RNF150: variants seen among roughly 807,000 people sequenced by gnomAD.
RNF150 encodes ring finger protein 150.
RNF150 carries 24 observed loss-of-function variants against 39.3 expected under a neutral mutation model. The ratio of observed to expected loss-of-function variants is 0.61; its 90% confidence interval spans 0.44 to 0.86. The LOEUF is 0.86. RNF150 is among the 40% of genes least tolerant of loss of function. RNF150 has a pLI of 0.00. For synonymous variants in RNF150, 255 were observed against 227.3 expected (o/e 1.12, Z -1.10); for missense variants, 502 against 587.8 (o/e 0.85, Z 1.51).
chr4:140,870,908 G>A (rs1201375656), intron 6 of RNF150, among the ~76,000 whole-genome samples: 1 of 151,342 alleles, frequency 6.6e-6, no homozygotes, highest in Non-Finnish European at 1.5e-5. Context: ...GGAGAGACTG[G>A]GAGTGGCTTC....
At chr4:141,140,267 C>T (rs1388649778) in intron 1 of RNF150, among the ~76,000 whole-genome samples, 1 of 152,170 alleles carries the variant, frequency 6.6e-6, no homozygotes, top group Non-Finnish European at 1.5e-5. Flanking sequence ...CTAAAAATAT[C>T]CTTTTTTCTT....
intron 4 of RNF150, among the ~76,000 whole-genome samples, chr4:140,933,469 C>T (rs1288850607): frequency 6.6e-6 from 1 of 152,110 alleles, no homozygotes; most frequent in Non-Finnish European, 1.5e-5. Flanking sequence ...TTTGGATTTC[C>T]AGATGAGGGG....
intron 1 of RNF150, among the ~76,000 whole-genome samples, chr4:141,092,212 T>C (rs1261309907): frequency 6.6e-6 from 1 of 151,930 alleles, no homozygotes; most frequent in East Asian, 1.9e-4. Context: ...GGCATGGTGG[T>C]GGTGCCTGTA....
chr4:141,136,631 CTG>C (rs1397490712), upstream of RNF150, among the ~76,000 whole-genome samples: 15 of 152,298 alleles, frequency 9.8e-5, no homozygotes, highest in Admixed American at 4.6e-4. Context: ...AAAAACATCT[CTG>C]TATTTCATTT....
In RNF150 at chr4:141,178,855, G is replaced by A. The variant is rs906696102; in HGVS notation, c.-6+33939C>T. On this transcript the variant is annotated intron_variant, in intron 1 of 7. Coordinates refer to the RNF150 transcript ENST00000420921. ...TATGTGTTCTAGAACACATACTAGT[G>A]TTCTAGGAACACTAGAATATGTGTT... Among the ~76,000 whole-genome samples, 28 of 151,784 alleles carry A rather than the reference G, an allele frequency of 1.8e-4. 1 individual carries two copies. In the South Asian group the frequency reaches 4.0e-3, roughly 22 times the overall value.
intron 1 of RNF150, among the ~76,000 whole-genome samples, chr4:141,018,896 A>G (rs79415587): frequency 0.027 from 4,165 of 152,094 alleles, 80 homozygotes; most frequent in Middle Eastern, 0.062. Flanking sequence ...AGGAGGGAAG[A>G]TCAGTAAATT....
At chr4:140,874,266 C>T (rs1000122569) in intron 6 of RNF150, among the ~76,000 whole-genome samples, 1 of 152,000 alleles carries the variant, frequency 6.6e-6, no homozygotes, top group Non-Finnish European at 1.5e-5. Context: ...AACAGTGGGC[C>T]CCATGACTCT....
chr4:141,060,638 A>G (rs1737181409), intron 1 of RNF150, among the ~76,000 whole-genome samples: 1 of 152,188 alleles, frequency 6.6e-6, no homozygotes, highest in Non-Finnish European at 1.5e-5. Context: ...TTATCTACCA[A>G]TGTGAATTAT....
chr4:141,035,935 T>A (rs1578655673), intron 1 of RNF150, among the ~76,000 whole-genome samples: 1 of 152,082 alleles, frequency 6.6e-6, no homozygotes, highest in African/African-American at 2.4e-5. Context: ...AAGGAAAAGC[T>A]GCATCTCTGA....
At chr4:141,084,850 C>G (rs1738297859) in intron 1 of RNF150, among the ~76,000 whole-genome samples, 2 of 152,150 alleles carry the variant, frequency 1.3e-5, no homozygotes, top group African/African-American at 4.8e-5. Flanking sequence ...TATAATGTGA[C>G]AAAGACATTC....
chr4:141,131,887 C>A (rs1726898266), intron 1 of RNF150, among the ~76,000 whole-genome samples: 1 of 152,042 alleles, frequency 6.6e-6, no homozygotes, highest in Non-Finnish European at 1.5e-5. Flanking sequence ...AGCAGGTAAC[C>A]CTACCCCTCT....
At chr4:141,077,881 C>T (rs770430048) in intron 1 of RNF150, among the ~76,000 whole-genome samples, 5 of 152,238 alleles carry the variant, frequency 3.3e-5, no homozygotes, top group Non-Finnish European at 7.3e-5. Flanking sequence ...GGGTTTTGTC[C>T]TGCTTTTCTG....
At chr4:141,133,916 T>C (rs913472069), upstream of RNF150, among the ~76,000 whole-genome samples, 2 of 152,162 alleles carry the variant, frequency 1.3e-5, no homozygotes, top group Admixed American at 6.5e-5. Context: ...TCTGGTTCAG[T>C]AGATCTGTGG....
intron 1 of RNF150, among the ~76,000 whole-genome samples, chr4:141,063,607 CT>C (rs1390481924): frequency 6.6e-6 from 1 of 152,034 alleles, no homozygotes; most frequent in Non-Finnish European, 1.5e-5. Context: ...CAGTAGCCAC[CT>C]GGGAAAGGGC....
At chr4:140,997,187 T>C (rs73858678) in intron 1 of RNF150, among the ~76,000 whole-genome samples, 11,552 of 152,298 alleles carry the variant, frequency 0.076, 498 homozygotes, top group Middle Eastern at 0.16. Flanking sequence ...AGGTGATTAC[T>C]GCAGCCCAGT....
intron 6 of RNF150, among the ~76,000 whole-genome samples, chr4:140,868,792 A>G (rs1284129556): frequency 1.3e-5 from 2 of 152,212 alleles, no homozygotes; most frequent in Non-Finnish European, 2.9e-5. Context: ...AAAGGTTTCT[A>G]TTCTTAACAT....
Position 140,947,721 on chromosome 4 carries a change from A to T in RNF150, c.823T>A (p.Phe275Ile), listed in dbSNP as rs751009741. ...KKGDKETESDFDNCAVCIEGY... is the reference protein window; with the variant it reads ...KKGDKETESDIDNCAVCIEGY... ...TCAATACAAACTGCACAGTTGTCAA[A>T]ATCAGACTCTGTTTCCTGCAACAGA... Residue 275 changes from phenylalanine to isoleucine, a missense_variant, in exon 4 of 7, where the codon TTT becomes ATT. Transcript: ENST00000515673. 4.4e-6 allele frequency: 7 copies of T among 1,595,734 alleles called. 1 individual carries two copies. In the South Asian group the frequency reaches 8.1e-5, roughly 19 times the overall value.
At chr4:140,892,415 G>A (rs1394342665) in intron 6 of RNF150, among the ~76,000 whole-genome samples, 2 of 152,138 alleles carry the variant, frequency 1.3e-5, no homozygotes, top group Non-Finnish European at 2.9e-5. Flanking sequence ...ACAAGGGAGG[G>A]GAAGGACCTA....
At chr4:140,940,604 T>C (rs1732042953) in intron 4 of RNF150, among the ~76,000 whole-genome samples, 1 of 152,186 alleles carries the variant, frequency 6.6e-6, no homozygotes. Flanking sequence ...CAAATCAGAA[T>C]GTAGCCAAGG....
Sources: gnomAD v4.1 joint callset for allele counts (sites outside exome capture counted in the v4.1 genomes callset) on GRCh38, gnomAD v4.1.1 for gene constraint, MANE v1.5 for transcripts, NCBI Gene and HGNC (gene_info 2026-07-23, HGNC 2026-07-21) for gene names.